Variants in ABCA10 observed in about 807,000 individuals in gnomAD.
ABCA10 encodes the protein ATP binding cassette subfamily A member 10.
Under a neutral mutation model 187.5 loss-of-function variants are expected in ABCA10, and 169 were observed. The observed-to-expected ratio is 0.90, with a 90% CI of 0.80 to 1.02. The LOEUF (loss-of-function observed/expected upper bound fraction) is 1.02. Ranked by LOEUF, ABCA10 falls within the 50% of genes least tolerant of loss-of-function variation. The pLI, the probability that ABCA10 is intolerant of heterozygous loss-of-function variation, is 0.00. For missense variants in ABCA10, 1,727 were observed against 1,812.4 expected (o/e 0.95, Z 0.86); for synonymous variants, 574 against 601.8 (o/e 0.95, Z 0.68).
At chr17:69,194,640 A>G (rs1366385485) in intron 11 of ABCA10, 145 bp from the exon 12 acceptor site, 3 of 566,324 alleles carry the variant, frequency 5.3e-6, no homozygotes, top group Non-Finnish European at 9.1e-6. Context: ...ATTTAATTGT[A>G]TAAGTTATGT....
intron 1 of ABCA10, among the ~76,000 whole-genome samples, chr17:69,241,744 T>A (rs943893621): frequency 1.3e-5 from 2 of 152,222 alleles, no homozygotes; most frequent in African/African-American, 4.8e-5. Context: ...TGTATTTTTT[T>A]AAAGTAGGTA....
chr17:69,182,545 G>A, intron 21 of ABCA10, 130 bp downstream of exon 21: 2 of 1,170,944 alleles, frequency 1.7e-6, no homozygotes, highest in Non-Finnish European at 2.3e-6. Context: ...GACAAAGAAA[G>A]TTTCAAGCCT....
Position 69,164,121 on chromosome 17 carries a change from T to C in ABCA10, c.3316A>G (p.Asn1106Asp), listed in dbSNP as rs1479371793. Reference protein sequence around the residue: ...DFMRNLDSLDNRINEVNKTIL... With the variant: ...DFMRNLDSLDDRINEVNKTIL... Reference sequence around the variant, plus strand: ...GTTTTATTGACTTCATTTATTCTATTGTCCAGACTGTCCAAGTTTCTCATA... The same window carrying C: ...GTTTTATTGACTTCATTTATTCTATCGTCCAGACTGTCCAAGTTTCTCATA... The change falls in exon 27 of 39, where the codon AAT becomes GAT. Residue 1106 changes from asparagine (N) to aspartate (D), a missense_variant. Physicochemically the swap from Asn to Asp is conservative, Grantham distance 23 (BLOSUM62 1). Transcript: ENST00000690296. 6.3e-7 allele frequency: 1 copy of C among 1,589,488 alleles called. No individual in the cohort carries two copies. The highest frequency in any genetic ancestry group is 1.9e-5 in the Admixed American group (1 of 53,924).
rs1206284042 is a variant in ABCA10, at chr17:69,225,344, G to A, written c.15C>T (p.Ala5=). The A allele has an allele frequency of 6.2e-7, 1 of 1,613,128 alleles. No homozygotes were observed. Among genetic ancestry groups the A allele is most frequent in the East Asian group, 2.2e-5 (1 of 44,826 alleles). MNKM[A]LASFMKGRTV... is the part of the protein sequence containing the mutation. ...ACACACCTTTCATAAAGGAAGCCAAGGCCATCTTATTCATTATCCTTTGTG... is the reference window on the plus strand; with the variant it reads ...ACACACCTTTCATAAAGGAAGCCAAAGCCATCTTATTCATTATCCTTTGTG... The change falls in exon 3 of 39, where the codon GCC becomes GCT. Residue 5 remains alanine, a synonymous_variant. Transcript: ENST00000690296.
At chr17:69,155,948 T>C (rs909116751) in intron 28 of ABCA10, 23 bp from the exon 29 acceptor site, 2 of 1,601,488 alleles carry the variant, frequency 1.2e-6, no homozygotes, top group African/African-American at 1.3e-5. Context: ...TAAAATAACA[T>C]AAAAATGCAA....
chr17:69,155,406 A>G (rs929200830), intron 29 of ABCA10, among the ~76,000 whole-genome samples: 13 of 152,162 alleles, frequency 8.5e-5, no homozygotes, highest in African/African-American at 1.9e-4. Flanking sequence ...TTTCATTCCC[A>G]GTTTATTCCT....
intron 22 of ABCA10, among the ~76,000 whole-genome samples, chr17:69,177,914 C>A (rs1221812345): frequency 1.2e-5 from 1 of 84,002 alleles, no homozygotes; most frequent in Admixed American, 1.3e-4. Flanking sequence ...TGAGATCTTG[C>A]CACTGCATGC....
chr17:69,214,559 T>C (rs1443755531), intron 9 of ABCA10, 145 bp downstream of exon 9: 11 of 685,228 alleles, frequency 1.6e-5, no homozygotes, highest in Non-Finnish European at 2.4e-5. Context: ...AATAGTAAAA[T>C]GGAAATGAGG....
At chr17:69,176,563 A>G (rs1383476835) in intron 22 of ABCA10, among the ~76,000 whole-genome samples, 1 of 152,078 alleles carries the variant, frequency 6.6e-6, no homozygotes, top group Non-Finnish European at 1.5e-5. Context: ...GGCTAAATAA[A>G]TGCACAATCA....
intron 9 of ABCA10, among the ~76,000 whole-genome samples, chr17:69,211,013 C>T (rs992947595): frequency 1.3e-5 from 2 of 150,942 alleles, no homozygotes; most frequent in African/African-American, 4.9e-5. Context: ...GAAGGGAACA[C>T]ATTTACACTG....
chr17:69,215,912 C>T lies in ABCA10; in HGVS notation c.761G>A (p.Cys254Tyr), dbSNP rs1470248871. The stretch of plus-strand genomic sequence containing the variant: ...TCTATATAACACAGTGAATCCCAGA[C>T]ATCCCCAAAATACAGTGAAGAGAAA... ...AGFLFTVFWG[C>Y]LGFTVLYRQL... Residue 254 changes from cysteine to tyrosine, a missense_variant, in exon 8 of 39, where the codon TGT becomes TAT. Coordinates refer to ENST00000690296, the MANE Select transcript of ABCA10 (RefSeq NM_001377321.1). 3.1e-6 allele frequency: 5 copies of T among 1,613,858 alleles called. No individual in the cohort carries two copies. In the African/African-American group the frequency reaches 5.3e-5, roughly 17 times the overall value.
chr17:69,171,432 C>T (rs926338836), intron 25 of ABCA10, among the ~76,000 whole-genome samples: 4 of 151,886 alleles, frequency 2.6e-5, no homozygotes, highest in African/African-American at 9.7e-5. Flanking sequence ...CTGAAGCTTC[C>T]CCAGAAGGCA....
chr17:69,198,042 TA>T, intron 10 of ABCA10, among the ~76,000 whole-genome samples: 1 of 152,208 alleles, frequency 6.6e-6, no homozygotes, highest in Non-Finnish European at 1.5e-5. Flanking sequence ...GAATTTCTAC[TA>T]TCTACCCAGG....
At chr17:69,205,166 T>C (rs975034374) in intron 9 of ABCA10, among the ~76,000 whole-genome samples, 1 of 152,042 alleles carries the variant, frequency 6.6e-6, no homozygotes. Flanking sequence ...AAAATACGTA[T>C]TATACCCAAA....
intron 18 of ABCA10, among the ~76,000 whole-genome samples, chr17:69,188,615 G>A (rs1009668091): frequency 6.6e-6 from 1 of 151,448 alleles, no homozygotes; most frequent in African/African-American, 2.4e-5. Context: ...TGGGGATTTG[G>A]GGGTTTGGTG....
intron 22 of ABCA10, 31 bp downstream of exon 22, chr17:69,182,122 G>A (rs1376358108): frequency 1.3e-6 from 2 of 1,520,062 alleles, no homozygotes; most frequent in East Asian, 2.5e-5. Context: ...CTGCTGTGTT[G>A]CCTCTTATAT....
At chr17:69,191,096 G>A (rs376260010) in intron 17 of ABCA10, 80 bp downstream of exon 17, 24 of 1,247,580 alleles carry the variant, frequency 1.9e-5, no homozygotes, top group Non-Finnish European at 2.4e-5. Flanking sequence ...TTTAGAACTC[G>A]ATTCATAGAA....
Position 69,152,371 on chromosome 17 carries a change from C to G in ABCA10, c.4247G>C (p.Gly1416Ala), listed in dbSNP as rs1376518904. 6.2e-7 allele frequency: 1 copy of G among 1,613,650 alleles called. No individual in the cohort carries two copies. The highest frequency in any genetic ancestry group is 1.1e-5 in the South Asian group (1 of 90,996). The change falls in exon 35 of 39, where the codon GGA (glycine) becomes GCA (alanine). Residue 1416 changes from glycine (G) to alanine (A), a missense_variant. By Grantham distance (60) the Gly-to-Ala change is moderately conservative. Transcript: ENST00000690296. ...VCDRMAMMVS[G>A]TLRCIGSIQH... Reference sequence around the variant, plus strand: ...CAGGACAGGCACCCACCTTAGCGTTCCTGACACCATCATGGCCATACGGTC... The same window carrying G: ...CAGGACAGGCACCCACCTTAGCGTTGCTGACACCATCATGGCCATACGGTC...
chr17:69,230,299 G>GTGTT (rs2074823273), upstream of ABCA10, among the ~76,000 whole-genome samples: 2 of 152,132 alleles, frequency 1.3e-5, no homozygotes, highest in East Asian at 3.9e-4. Flanking sequence ...TAAATCTGTG[G>GTGTT]TGTTCTGTTA....
Sources: allele counts gnomAD v4.1 joint callset (sites outside exome capture counted in the v4.1 genomes callset), GRCh38; gene constraint gnomAD v4.1.1; transcripts MANE v1.5; gene names NCBI Gene and HGNC (gene_info 2026-07-23, HGNC 2026-07-21).